Variants in ATRX observed in about 807,000 individuals in gnomAD.
The protein encoded by ATRX is chromatin remodeler ATRX.
ATRX carries 12 observed loss-of-function variants against 172.6 expected under a neutral mutation model. The ratio of observed to expected loss-of-function variants is 0.07; its 90% CI spans 0.04 to 0.11. The LOEUF is 0.11. Ranked by LOEUF, ATRX falls within the 10% of genes least tolerant of loss-of-function variation. The pLI, the probability that ATRX is intolerant of heterozygous loss-of-function variation, is 1.00. For missense variants in ATRX, 1,368 were observed against 1,767.4 expected, an observed-to-expected ratio of 0.77 and a Z score of 4.05; for synonymous variants, 674 against 594.7, an observed-to-expected ratio of 1.13 and a Z score of -1.94.
Position 77,587,013 on chromosome X carries a change from C to T in ATRX, c.6217+2821G>A, listed in dbSNP as rs192778082. Among the ~76,000 whole-genome samples, 27 of 108,669 alleles carry T rather than the reference C, an allele frequency of 2.5e-4. No homozygotes were observed. In the East Asian group the frequency reaches 3.2e-3, roughly 13 times the overall value. 94.4% of individuals were successfully genotyped at this position (108,669 alleles called of 115,157 possible). A position where few individuals can be genotyped will look rare whatever the true frequency, so the allele number is the denominator to read the frequency against. The stretch of plus-strand genomic sequence containing the variant: ...GAGGCTGTAGTGAGCCAAGATTGCT[C>T]GACTGCACTTCAGCTTGGGTGACAG... On this transcript the variant is annotated intron_variant, in intron 27 of 34. Coordinates refer to ENST00000373344, the MANE Select transcript of ATRX (RefSeq NM_000489.6).
At position 77,652,264 on chromosome X, in the gene ATRX, A is replaced by T. The variant is rs911309935; in HGVS notation, c.4407T>A (p.Asp1469Glu). Residue 1469 changes from aspartate (D) to glutamate (E), a missense_variant, in exon 15 of 35, where the codon GAT becomes GAA. Around this residue, in one of 17 missense-constraint regions of ATRX, gnomAD observed 27 missense variants for 110.8 expected, o/e 0.24. Coordinates refer to ENST00000373344, the MANE Select transcript of ATRX (RefSeq NM_000489.6). ...EEEEEEDEND[D>E]SKSPGKGRKK... ...TTCTGCCTTTTCCAGGAGACTTGGA[A>T]TCATCATTTTCATCTTCCTCCTCCT... The T allele has an allele frequency of 2.5e-6, 3 of 1,209,816 alleles. No homozygotes were observed. Among genetic ancestry groups the T allele is most frequent in the Non-Finnish European group, 3.4e-6 (3 of 895,286 alleles).
chrX:77,526,975 A>C (rs1200891226), intron 30 of ATRX, among the ~76,000 whole-genome samples: 1 of 112,687 alleles, frequency 8.9e-6, no homozygotes. Context: ...GGAAAAGTAC[A>C]TGTGAATTTG....
intron 30 of ATRX, among the ~76,000 whole-genome samples, chrX:77,535,627 T>C (rs1557048108): frequency 8.9e-6 from 1 of 111,896 alleles, no homozygotes; most frequent in African/African-American, 3.2e-5. Flanking sequence ...TTCACAAACA[T>C]TGTTACATTC....
chrX:77,572,683 T>G (rs782789366), intron 28 of ATRX, among the ~76,000 whole-genome samples: 7 of 111,967 alleles, frequency 6.3e-5, no homozygotes, highest in Non-Finnish European at 1.1e-4. Flanking sequence ...TCAATAAAAT[T>G]ACTTCTTCAC....
At chrX:77,519,228 A>G (rs113470155) in intron 34 of ATRX, among the ~76,000 whole-genome samples, 7,068 of 111,672 alleles carry the variant, frequency 0.063, 228 homozygotes, top group African/African-American at 0.12. Context: ...ACAGAATGCG[A>G]GAAAATATTT....
Position 77,599,604 on chromosome X carries a change from C to T in ATRX, c.5787-24G>A, listed in dbSNP as rs45608236. ...TTCTAAAAACAAACAAACAAACAAA[C>T]AAAAAAACACATTCAGATTGTTAGA... is the stretch of plus-strand genomic sequence containing the variant. On this transcript the variant is annotated intron_variant, in intron 24 of 34. Coordinates refer to ENST00000373344, the MANE Select transcript of ATRX (RefSeq NM_000489.6). The T allele has an allele frequency of 9.2e-6, 11 of 1,201,526 alleles. No individual in the cohort carries two copies. In the South Asian group the frequency reaches 1.2e-4, roughly 14 times the overall value.
At chrX:77,757,701 T>C (rs1186332595) in intron 1 of ATRX, among the ~76,000 whole-genome samples, 1 of 106,942 alleles carries the variant, frequency 9.4e-6, no homozygotes, top group East Asian at 3.0e-4. Context: ...AGACAAAGTC[T>C]CACTCTGTCG....
chrX:77,599,842 C>T (rs782204141), intron 23 of ATRX, 22 bp from the exon 24 acceptor site: 1 of 1,093,974 alleles, frequency 9.1e-7, no homozygotes, highest in Non-Finnish European at 1.3e-6. Flanking sequence ...AAAATGACCA[C>T]TATTTTAATA....
intron 15 of ATRX, among the ~76,000 whole-genome samples, chrX:77,636,857 A>AAGGAGGGAGGAGGAGGG (rs2068383396): frequency 9.8e-6 from 1 of 102,021 alleles, no homozygotes; most frequent in African/African-American, 3.6e-5. Flanking sequence ...AAGGAGGAGG[A>AAGGAGGGAGGAGGAGGG]AGGAGGGAGG....
intron 25 of ATRX, chrX:77,596,760 T>C (rs1557084118): frequency 9.0e-6 from 1 of 110,787 alleles, no homozygotes; most frequent in African/African-American, 3.3e-5. Context: ...AGACTACTCA[T>C]TTACGGAGGC....
At chrX:77,721,310 T>C (rs1470828375) in intron 1 of ATRX, among the ~76,000 whole-genome samples, 1 of 111,722 alleles carries the variant, frequency 9.0e-6, no homozygotes, top group African/African-American at 3.3e-5. Context: ...CAACACAGTA[T>C]TGTAAGTTCT....
chrX:77,556,455 A>T (rs1361131207), intron 30 of ATRX, among the ~76,000 whole-genome samples: 1 of 104,586 alleles, frequency 9.6e-6, no homozygotes, highest in Non-Finnish European at 2.0e-5. Context: ...AAAGAAAACT[A>T]CTGGGTTCAA....
rs2062749932 is a variant in ATRX, at chrX:77,508,137, C to G, written c.*214G>C. The G allele has an allele frequency of 2.4e-6, 1 of 417,507 alleles. No individual in the cohort carries two copies. Among genetic ancestry groups the G allele is most frequent in the African/African-American group, 2.6e-5 (1 of 39,088 alleles). The allele number at this position is 417,507 out of a possible 1,213,427, so 34.4% of individuals were successfully genotyped here. A position where few individuals can be genotyped will look rare whatever the true frequency, so the allele number is the denominator to read the frequency against. ...AATTTGAAATATCTTCTGTACTCAG[C>G]GTGTGTAAGAAGATTCTAGGCAACA... On this transcript the variant is annotated 3_prime_UTR_variant, in exon 35 of 35. Transcript: ENST00000373344.
At chrX:77,696,733 T>C (rs1416090955) in intron 4 of ATRX, 29 bp from the exon 5 acceptor site, 3 of 1,166,426 alleles carry the variant, frequency 2.6e-6, no homozygotes, top group East Asian at 3.0e-5. Context: ...CATAGAATTA[T>C]GAATGTTTCT....
chrX:77,747,425 G>A (rs1209564672), intron 1 of ATRX, among the ~76,000 whole-genome samples: 2 of 110,447 alleles, frequency 1.8e-5, no homozygotes, highest in African/African-American at 6.6e-5. Context: ...TTGGGAGGCT[G>A]AGGCATAAGA....
At chrX:77,549,384 A>C (rs1016721719) in intron 30 of ATRX, among the ~76,000 whole-genome samples, 3 of 111,775 alleles carry the variant, frequency 2.7e-5, no homozygotes, top group Non-Finnish European at 3.8e-5. Flanking sequence ...GACTGTCTCA[A>C]AATAAAATAA....
intron 1 of ATRX, among the ~76,000 whole-genome samples, chrX:77,721,184 A>G (rs782649497): frequency 1.8e-5 from 2 of 111,581 alleles, no homozygotes; most frequent in South Asian, 7.6e-4. Flanking sequence ...TCTCAAAATA[A>G]TAAGAGCTAT....
chrX:77,549,293 G>A (rs1180864246), intron 30 of ATRX, among the ~76,000 whole-genome samples: 7 of 111,653 alleles, frequency 6.3e-5, no homozygotes, highest in African/African-American at 1.3e-4. Flanking sequence ...GCTGAGGCAC[G>A]AGAATCACTT....
At chrX:77,649,121 A>G (rs1001100444) in intron 15 of ATRX, among the ~76,000 whole-genome samples, 2 of 110,583 alleles carry the variant, frequency 1.8e-5, no homozygotes, top group African/African-American at 3.3e-5. Context: ...CTATGATCAC[A>G]CTATAGCACT....
Sources: allele counts gnomAD v4.1 joint callset (sites outside exome capture counted in the v4.1 genomes callset), GRCh38; gene constraint gnomAD v4.1.1; regional missense constraint gnomAD v4.1.1; transcripts MANE v1.5; gene names NCBI Gene and HGNC (gene_info 2026-07-23, HGNC 2026-07-21).